Variants in TMPRSS11D observed in about 807,000 individuals in gnomAD.
TMPRSS11D encodes the protein transmembrane serine protease 11D.
In TMPRSS11D, 32 loss-of-function variants were observed where a neutral mutation model predicts 44.4. That is an observed-to-expected ratio of 0.72 (90% CI 0.54 to 0.97). The LOEUF (loss-of-function observed/expected upper bound fraction) is 0.97. TMPRSS11D is among the 50% of genes least tolerant of loss of function. The pLI, the probability that TMPRSS11D is intolerant of heterozygous loss-of-function variation, is 0.00. For missense variants in TMPRSS11D, 446 were observed against 502.6 expected (o/e 0.89, Z 1.08); for synonymous variants, 179 against 177.9 (o/e 1.01, Z -0.05).
At chr4:67,881,778 T>C (rs11945715) in intron 1 of TMPRSS11D, among the ~76,000 whole-genome samples, 6,361 of 152,246 alleles carry the variant, frequency 0.042, 146 homozygotes, top group Admixed American at 0.05. Context: ...CAGTTAATCA[T>C]GTCTTGAGCA....
At position 67,878,836 on chromosome 4, in the gene TMPRSS11D, G is replaced by A. The variant is rs994020434; in HGVS notation, c.8+5090C>T. Among the ~76,000 whole-genome samples, 3 of 152,218 alleles carry A rather than the reference G, an allele frequency of 2.0e-5. No homozygotes were observed. The South Asian group carries it at 6.2e-4, about 32-fold the overall frequency. ...CTACACTCAGGAGGCTAAGGCAGGA[G>A]AATCACTTGAACCCAGGAGGCAGAG... On this transcript the variant is annotated intron_variant, in intron 1 of 9. Transcript: ENST00000283916.
intron 2 of TMPRSS11D, 34 bp from the exon 3 acceptor site, chr4:67,854,220 CT>C (rs1718579449): frequency 9.0e-7 from 1 of 1,116,922 alleles, no homozygotes. Flanking sequence ...GTCAGTCTTA[CT>C]TTACTAAGTT....
intron 1 of TMPRSS11D, among the ~76,000 whole-genome samples, chr4:67,876,317 T>G (rs543044495): frequency 6.6e-6 from 1 of 152,314 alleles, no homozygotes; most frequent in South Asian, 2.1e-4. Context: ...GTTTATAAAG[T>G]ACTTAGATTC....
At chr4:67,846,022 C>T (rs541344988) in intron 3 of TMPRSS11D, among the ~76,000 whole-genome samples, 1 of 152,204 alleles carries the variant, frequency 6.6e-6, no homozygotes, top group Admixed American at 6.5e-5. Context: ...ATAGTTATAG[C>T]TTTGCTCATA....
At chr4:67,859,323 A>G (rs1454810910) in intron 2 of TMPRSS11D, among the ~76,000 whole-genome samples, 3 of 152,052 alleles carry the variant, frequency 2.0e-5, no homozygotes, top group African/African-American at 7.2e-5. Flanking sequence ...AATGTTTGGT[A>G]TACTCAAAAG....
chr4:67,845,838 C>A (rs1718343845), intron 3 of TMPRSS11D, among the ~76,000 whole-genome samples: 1 of 152,046 alleles, frequency 6.6e-6, no homozygotes, highest in African/African-American at 2.4e-5. Flanking sequence ...TAAGAAAATT[C>A]TAACAAAGTG....
chr4:67,854,900 C>T (rs1424981887), intron 2 of TMPRSS11D, among the ~76,000 whole-genome samples: 4 of 152,150 alleles, frequency 2.6e-5, no homozygotes, highest in Non-Finnish European at 5.9e-5. Context: ...AGGGAGTTCT[C>T]CCCAACTCAT....
chr4:67,861,556 G>A (rs933185703), intron 1 of TMPRSS11D, among the ~76,000 whole-genome samples: 30 of 152,164 alleles, frequency 2.0e-4, no homozygotes, highest in Admixed American at 2.6e-4. Flanking sequence ...ATCTGTAAGC[G>A]TGGAGTGAGA....
At chr4:67,873,318 A>G (rs570246685) in intron 1 of TMPRSS11D, among the ~76,000 whole-genome samples, 1 of 152,188 alleles carries the variant, frequency 6.6e-6, no homozygotes, top group East Asian at 1.9e-4. Flanking sequence ...CAAGGCTTTC[A>G]GTGTTTCTGC....
At chr4:67,883,778 C>A (rs972424430) in intron 1 of TMPRSS11D, 148 bp downstream of exon 1, 2 of 538,902 alleles carry the variant, frequency 3.7e-6, no homozygotes, top group Admixed American at 7.3e-5. Context: ...ATTATCTAAA[C>A]AATATCTAAG....
At chr4:67,827,979 C>G (rs897548680) in intron 7 of TMPRSS11D, among the ~76,000 whole-genome samples, 1 of 151,598 alleles carries the variant, frequency 6.6e-6, no homozygotes, top group African/African-American at 2.4e-5. Context: ...GCATTCTTAT[C>G]TTGTTAATGG....
At chr4:67,841,402 G>C (rs1459074061) in intron 4 of TMPRSS11D, among the ~76,000 whole-genome samples, 2 of 152,164 alleles carry the variant, frequency 1.3e-5, no homozygotes, top group East Asian at 3.9e-4. Context: ...TGCAAACCAA[G>C]GGATAGTCCT....
At chr4:67,881,584 T>G (rs1273149348) in intron 1 of TMPRSS11D, among the ~76,000 whole-genome samples, 3 of 152,188 alleles carry the variant, frequency 2.0e-5, no homozygotes, top group African/African-American at 7.2e-5. Flanking sequence ...GCCTAATGAT[T>G]TACAATTTTA....
chr4:67,873,154 A>T (rs1719102803), intron 1 of TMPRSS11D, among the ~76,000 whole-genome samples: 1 of 152,200 alleles, frequency 6.6e-6, no homozygotes, highest in Admixed American at 6.5e-5. Context: ...CACATTTCCA[A>T]TTCTATTTCT....
Position 67,822,444 on chromosome 4 carries a change from C to T in TMPRSS11D, c.1150G>A (p.Val384Met), listed in dbSNP as rs766852258. 3 of 1,613,902 alleles carry T rather than the reference C, an allele frequency of 1.9e-6. No individual in the cohort carries two copies. In the South Asian group the frequency reaches 3.3e-5, roughly 18 times the overall value. Residue 384 changes from valine to methionine, a missense_variant, in exon 10 of 10, where the codon GTG (valine) becomes ATG (methionine). Transcript: ENST00000283916. ...QEDSRRLWFI[V>M]GIVSWGDQCG... ...TGATCTCCCCAGCTTACTATCCCCA[C>T]AATAAACCAAAGCCGCCGTGAGTCT...
chr4:67,878,044 A>C (rs1450663262), intron 1 of TMPRSS11D, among the ~76,000 whole-genome samples: 3 of 152,214 alleles, frequency 2.0e-5, no homozygotes, highest in Non-Finnish European at 4.4e-5. Flanking sequence ...AAAGAAAAAA[A>C]TTCTAATGTA....
intron 3 of TMPRSS11D, among the ~76,000 whole-genome samples, chr4:67,846,677 T>C (rs1424510918): frequency 1.3e-5 from 2 of 152,150 alleles, no homozygotes; most frequent in Non-Finnish European, 2.9e-5. Context: ...AATTGAAAGG[T>C]GTTGTGTTTT....
At chr4:67,835,431 G>A (rs1050949441) in intron 5 of TMPRSS11D, among the ~76,000 whole-genome samples, 1 of 151,990 alleles carries the variant, frequency 6.6e-6, no homozygotes, top group African/African-American at 2.4e-5. Context: ...CAATTTATAT[G>A]GGAAAACAGA....
rs1717672138 is a variant in TMPRSS11D at position 67,822,501 on chromosome 4, G to A, written c.1096-3C>T. On this transcript the variant is annotated splice_region_variant and splice_polypyrimidine_tract_variant and intron_variant, in intron 9 of 9. Coordinates refer to ENST00000283916, the MANE Select transcript of TMPRSS11D (RefSeq NM_004262.3). ...ACTAGTGGGCCACCAGAGTCACCCT[G>A]TAAAAAAACAGAATGACTGATTACT... The A allele has an allele frequency of 1.9e-6, 3 of 1,613,304 alleles. No individual in the cohort carries two copies. The highest frequency in any genetic ancestry group is 2.5e-6 in the Non-Finnish European group (3 of 1,179,662).
Sources: gnomAD v4.1 joint callset for allele counts (sites outside exome capture counted in the v4.1 genomes callset) on GRCh38, gnomAD v4.1.1 for gene constraint, MANE v1.5 for transcripts, NCBI Gene and HGNC (gene_info 2026-07-23, HGNC 2026-07-21) for gene names.